Variants in USP45 observed in about 807,000 individuals in gnomAD.
USP45 encodes the protein ubiquitin carboxyl-terminal hydrolase 45.
In USP45, 89 loss-of-function variants were observed where a neutral mutation model predicts 95.8. The observed-to-expected ratio is 0.93, with a 90% CI of 0.78 to 1.11. The LOEUF is 1.11. Ranked by LOEUF, USP45 falls within the 50% of genes least tolerant of loss-of-function variation. The probability of loss-of-function intolerance (pLI) is 0.00; values close to 1 mark genes in which losing one functional copy is unlikely to be tolerated. For synonymous variants in USP45, 281 were observed against 316.2 expected (o/e 0.89, Z 1.18); for missense variants, 898 against 942.5 (o/e 0.95, Z 0.62).
chr6:99,481,637 A>C (rs1792451077), intron 8 of USP45, among the ~76,000 whole-genome samples: 1 of 152,090 alleles, frequency 6.6e-6, no homozygotes, highest in African/African-American at 2.4e-5. Flanking sequence ...CATAGTACCG[A>C]ATAGTTAGTT....
At chr6:99,511,820 G>A (rs538988584) in intron 1 of USP45, among the ~76,000 whole-genome samples, 77 of 142,674 alleles carry the variant, frequency 5.4e-4, no homozygotes, top group South Asian at 3.6e-3. Flanking sequence ...TGTATAGAGA[G>A]ACACATATAT....
chr6:99,437,847 A>G (rs1418201589), intron 16 of USP45, among the ~76,000 whole-genome samples: 1 of 152,164 alleles, frequency 6.6e-6, no homozygotes, highest in Non-Finnish European at 1.5e-5. Flanking sequence ...TAGTAGAAAC[A>G]GGGTTTTACC....
In USP45 at chr6:99,433,237, A is replaced by G. The variant is rs1025856373; in HGVS notation, c.*2479T>C. ...TAAATGACAATATTGGCACATAATC[A>G]ATATTTTATCATTTTATATTTGGAA... On this transcript the variant is annotated 3_prime_UTR_variant, in exon 18 of 18. Transcript: ENST00000500704. 1.3e-5 allele frequency: 2 copies of G among 152,616 alleles called. No individual in the cohort carries two copies. Among genetic ancestry groups the G allele is most frequent in the African/African-American group, 4.8e-5 (2 of 41,404 alleles). The allele number at this position is 152,616 out of a possible 1,614,324, so 9.5% of individuals were successfully genotyped here. A position where few individuals can be genotyped will look rare whatever the true frequency, so the allele number is the denominator to read the frequency against.
intron 8 of USP45, 40 bp from the exon 9 acceptor site, chr6:99,476,270 A>C: frequency 1.9e-6 from 3 of 1,561,122 alleles, no homozygotes; most frequent in Non-Finnish European, 2.6e-6. Flanking sequence ...AAAAAGAATA[A>C]TCATTCCATG....
At chr6:99,482,964 T>C in intron 7 of USP45, 81 bp from the exon 8 acceptor site, 3 of 1,212,354 alleles carry the variant, frequency 2.5e-6, no homozygotes, top group East Asian at 3.0e-5. Context: ...TACACTCTGC[T>C]TAAATAACAC....
intron 11 of USP45, among the ~76,000 whole-genome samples, chr6:99,465,743 A>G (rs1472793652): frequency 6.6e-6 from 1 of 152,196 alleles, no homozygotes; most frequent in African/African-American, 2.4e-5. Flanking sequence ...AGGAAAATGA[A>G]TAAAGGCTCC....
At chr6:99,446,993 C>T (rs1490841232) in intron 13 of USP45, among the ~76,000 whole-genome samples, 1 of 152,228 alleles carries the variant, frequency 6.6e-6, no homozygotes, top group African/African-American at 2.4e-5. Flanking sequence ...ATCCTCCCAC[C>T]TTGGCTTCCC....
intron 7 of USP45, among the ~76,000 whole-genome samples, chr6:99,487,328 T>C (rs1340236713): frequency 6.6e-6 from 1 of 152,332 alleles, no homozygotes; most frequent in Non-Finnish European, 1.5e-5. Context: ...TTTGTCTTAT[T>C]TCATCGTAGT....
At chr6:99,500,813 A>G (rs548172329) in intron 5 of USP45, among the ~76,000 whole-genome samples, 112 of 152,310 alleles carry the variant, frequency 7.4e-4, no homozygotes, top group Non-Finnish European at 1.5e-3. Context: ...TGTTTGTTGA[A>G]TAAGTAAATG....
intron 5 of USP45, among the ~76,000 whole-genome samples, chr6:99,497,789 G>A (rs1796620123): frequency 6.6e-6 from 1 of 152,036 alleles, no homozygotes; most frequent in South Asian, 2.1e-4. Flanking sequence ...CTTACCTCAA[G>A]TCTCACCTCT....
intron 13 of USP45, among the ~76,000 whole-genome samples, chr6:99,459,265 C>A (rs1341209734): frequency 3.9e-5 from 6 of 152,236 alleles, no homozygotes; most frequent in Admixed American, 3.9e-4. Context: ...TGTGAGTTTG[C>A]TAACGACAAT....
rs1783497945 is a variant in USP45 at position 99,450,056 on chromosome 6, T to A, written c.1309-3593A>T. Among the ~76,000 whole-genome samples, 3 of 152,148 alleles carry A rather than the reference T, an allele frequency of 2.0e-5. No homozygotes were observed. The South Asian group carries it at 6.2e-4, about 32-fold the overall frequency. On this transcript the variant is annotated intron_variant, in intron 13 of 17. Transcript: ENST00000500704. ...GTGTGTAGAGGGAAATTTATAGTAC[T>A]AAATGCCCACAAGAGAAAGCAGGAA...
At chr6:99,469,445 A>T (rs886733307) in intron 9 of USP45, among the ~76,000 whole-genome samples, 3 of 145,788 alleles carry the variant, frequency 2.1e-5, no homozygotes, top group East Asian at 2.0e-4. Flanking sequence ...CTTTCCAAAA[A>T]ATATATATAT....
chr6:99,502,827 C>G (rs774582891), intron 5 of USP45, among the ~76,000 whole-genome samples: 1 of 152,180 alleles, frequency 6.6e-6, no homozygotes, highest in African/African-American at 2.4e-5. Flanking sequence ...ACTACCTCCT[C>G]GTCTATCTTT....
intron 13 of USP45, among the ~76,000 whole-genome samples, chr6:99,453,173 G>GAAAAAAAAAAAAAAA (rs35773193): frequency 1.4e-5 from 2 of 140,698 alleles, no homozygotes; most frequent in Non-Finnish European, 1.5e-5. Flanking sequence ...ACTTAAAAAA[G>GAAAAAAAAAAAAAAA]AAAAAAAAAA....
At chr6:99,474,176 A>G (rs1790218686) in intron 9 of USP45, among the ~76,000 whole-genome samples, 1 of 152,138 alleles carries the variant, frequency 6.6e-6, no homozygotes, top group African/African-American at 2.4e-5. Context: ...GTAAAGAGAC[A>G]CTGCCACACT....
chr6:99,451,291 T>C (rs1308548769), intron 13 of USP45, among the ~76,000 whole-genome samples: 1 of 152,154 alleles, frequency 6.6e-6, no homozygotes, highest in Non-Finnish European at 1.5e-5. Flanking sequence ...AACCCCATCA[T>C]CTCAACCCAA....
In USP45 at chr6:99,497,860, G is replaced by A. The variant is rs908863010; in HGVS notation, c.478+5905C>T. 7.9e-5 allele frequency among the ~76,000 whole-genome samples: 12 copies of A among 152,010 alleles called. No homozygotes were observed. In the South Asian group the frequency reaches 2.1e-3, roughly 26 times the overall value. Reference sequence around the variant, plus strand: ...CTGTCTAGACTTGCCTGAACCTATCGAGCTCTCGTCAATGAGCTATTTTCT... The same window carrying A: ...CTGTCTAGACTTGCCTGAACCTATCAAGCTCTCGTCAATGAGCTATTTTCT... On this transcript the variant is annotated intron_variant, in intron 5 of 17. Coordinates refer to ENST00000500704, the MANE Select transcript of USP45 (RefSeq NM_001346022.3).
intron 13 of USP45, among the ~76,000 whole-genome samples, chr6:99,454,621 A>T (rs1304646770): frequency 6.6e-6 from 1 of 152,246 alleles, no homozygotes; most frequent in African/African-American, 2.4e-5. Flanking sequence ...AAAAATGCTC[A>T]ACATCCCTAA....
Sources: gnomAD v4.1 joint callset for allele counts (sites outside exome capture counted in the v4.1 genomes callset) on GRCh38, gnomAD v4.1.1 for gene constraint, MANE v1.5 for transcripts, NCBI Gene and HGNC (gene_info 2026-07-23, HGNC 2026-07-21) for gene names.